Variants in CLDN18 observed in about 807,000 individuals in gnomAD.
CLDN18 encodes the protein claudin-18.
A neutral mutation model predicts 25.0 loss-of-function variants in CLDN18; 20 were observed. The ratio of observed to expected loss-of-function variants is 0.80; its 90% CI spans 0.56 to 1.16. CLDN18 has a LOEUF of 1.16. Ranked by LOEUF, CLDN18 falls within the 50% of genes most tolerant of loss-of-function variation. The pLI, the probability that CLDN18 is intolerant of heterozygous loss-of-function variation, is 0.00. For missense variants in CLDN18, 297 were observed against 345.4 expected (o/e 0.86, Z 1.11); for synonymous variants, 125 against 135.6 (o/e 0.92, Z 0.54).
At chr3:138,001,735 T>C (rs1447906810) in intron 1 of CLDN18, among the ~76,000 whole-genome samples, 1 of 152,212 alleles carries the variant, frequency 6.6e-6, no homozygotes, top group East Asian at 1.9e-4. Context: ...AGAATATAGA[T>C]TATAGAAGCC....
chr3:138,017,245 T>C (rs1419231348), intron 1 of CLDN18, among the ~76,000 whole-genome samples: 2 of 152,182 alleles, frequency 1.3e-5, no homozygotes, highest in Non-Finnish European at 2.9e-5. Context: ...TAAAGATCAC[T>C]TAAGGTTCTG....
intron 1 of CLDN18, among the ~76,000 whole-genome samples, chr3:138,020,933 G>T (rs983281096): frequency 8.5e-5 from 13 of 152,304 alleles, no homozygotes; most frequent in Admixed American, 7.8e-4. Flanking sequence ...TGATGGAAAA[G>T]TAATGATTTT....
At chr3:138,004,424 G>A (rs996042482) in intron 1 of CLDN18, among the ~76,000 whole-genome samples, 35 of 152,036 alleles carry the variant, frequency 2.3e-4, no homozygotes, top group African/African-American at 7.0e-4. Context: ...TTGACAAAGT[G>A]TCTAGGTATA....
At chr3:137,999,438 C>T (rs1345148378) in intron 1 of CLDN18, among the ~76,000 whole-genome samples, 1 of 152,150 alleles carries the variant, frequency 6.6e-6, no homozygotes, top group Non-Finnish European at 1.5e-5. Flanking sequence ...CCTTCGGCCC[C>T]GGGATTCCCC....
chr3:138,021,572 A>G (rs1169283944), intron 1 of CLDN18, among the ~76,000 whole-genome samples: 1 of 152,100 alleles, frequency 6.6e-6, no homozygotes, highest in Non-Finnish European at 1.5e-5. Context: ...ATAACAGGTT[A>G]TTGTTTTTCA....
chr3:138,023,222 A>C (rs952229441), intron 1 of CLDN18, among the ~76,000 whole-genome samples: 2 of 152,248 alleles, frequency 1.3e-5, no homozygotes, highest in Non-Finnish European at 2.9e-5. Context: ...CTTTTAGCGC[A>C]TATGGAAACA....
At chr3:138,007,999 T>C (rs1942087489), upstream of CLDN18, among the ~76,000 whole-genome samples, 1 of 152,150 alleles carries the variant, frequency 6.6e-6, no homozygotes, top group African/African-American at 2.4e-5. Flanking sequence ...CTAGAAACAC[T>C]GATCACAGAA....
intron 3 of CLDN18, among the ~76,000 whole-genome samples, chr3:138,028,666 T>A (rs1034366898): frequency 2.0e-5 from 3 of 152,146 alleles, no homozygotes; most frequent in Non-Finnish European, 4.4e-5. Context: ...ATCCTAATAG[T>A]TTTTGGTCAC....
At chr3:138,011,917 C>T (rs1942140545) in intron 1 of CLDN18, among the ~76,000 whole-genome samples, 1 of 152,162 alleles carries the variant, frequency 6.6e-6, no homozygotes, top group Admixed American at 6.5e-5. Context: ...GACACCCTCT[C>T]AGAATAGCTC....
rs180686789 is a variant in CLDN18, at chr3:138,015,996, A to T, written c.220+5551A>T. On this transcript the variant is annotated intron_variant, in intron 1 of 4. Coordinates refer to ENST00000183605, the MANE Select transcript of CLDN18 (RefSeq NM_016369.4). ...ATATTACCAGCTCTGTATAACTGATACCTCAAGATTCAATCTCATTGTATT... is the reference window on the plus strand; with the variant it reads ...ATATTACCAGCTCTGTATAACTGATTCCTCAAGATTCAATCTCATTGTATT... Among the ~76,000 whole-genome samples, 93 of 152,308 alleles carry T rather than the reference A, an allele frequency of 6.1e-4. 1 individual carries two copies. The East Asian group carries it at 0.016, about 27-fold the overall frequency.
intron 1 of CLDN18, among the ~76,000 whole-genome samples, chr3:137,999,319 A>G (rs971811965): frequency 2.6e-5 from 4 of 152,170 alleles, no homozygotes; most frequent in African/African-American, 9.7e-5. Context: ...ATGGTGCCCA[A>G]TTCTCCCAGA....
At chr3:138,020,721 ACCAGG>A (rs1942260000) in intron 1 of CLDN18, among the ~76,000 whole-genome samples, 1 of 152,304 alleles carries the variant, frequency 6.6e-6, no homozygotes, top group Non-Finnish European at 1.5e-5. Flanking sequence ...TAAATAATCT[ACCAGG>A]CCAGCTTATT....
intron 2 of CLDN18, 57 bp downstream of exon 2, chr3:138,023,879 G>A: frequency 3.2e-6 from 5 of 1,551,638 alleles, no homozygotes; most frequent in Non-Finnish European, 4.4e-6. Flanking sequence ...AATTATTCTG[G>A]TAGAGAAAAC....
At position 138,011,026 on chromosome 3, in the gene CLDN18, GAATTAT is replaced by G. The variant is rs144454534; in HGVS notation, c.220+589_220+594del. On this transcript the variant is annotated intron_variant, in intron 1 of 4. Coordinates refer to ENST00000183605, the MANE Select transcript of CLDN18 (RefSeq NM_016369.4). The stretch of plus-strand genomic sequence containing the variant: ...CAATGTATATCAAAATATAATTACA[GAATTAT>G]AATTATATTATGTCAGAATATAAAT... Among the ~76,000 whole-genome samples, 218 of 151,836 alleles carry G rather than the reference GAATTAT, an allele frequency of 1.4e-3. 3 individuals carry two copies. The East Asian group carries it at 0.038, about 27-fold the overall frequency.
chr3:138,024,456 G>C, intron 2 of CLDN18, 151 bp from the exon 3 acceptor site: 1 of 646,980 alleles, frequency 1.5e-6, no homozygotes, highest in Non-Finnish European at 2.8e-6. Flanking sequence ...ACAATATTTA[G>C]CACATAGCAA....
exon 1 of CLDN18, chr3:137,998,926 G>A: frequency 6.2e-7 from 1 of 1,614,212 alleles, no homozygotes; most frequent in South Asian, 1.1e-5. Flanking sequence ...TGGGATTGCG[G>A]GCATCATTGC....
At chr3:138,014,987 A>G (rs1942187103) in intron 1 of CLDN18, among the ~76,000 whole-genome samples, 1 of 152,088 alleles carries the variant, frequency 6.6e-6, no homozygotes, top group South Asian at 2.1e-4. Context: ...TTTTAAAACT[A>G]GCTGGGCACA....
rs1942408168 is a variant in CLDN18 at position 138,032,406 on chromosome 3, C to T, written c.*1265C>T. 1 of 151,118 alleles carries T rather than the reference C, an allele frequency of 6.6e-6. No individual in the cohort carries two copies. Among genetic ancestry groups the T allele is most frequent in the African/African-American group, 2.4e-5 (1 of 41,032 alleles). The allele number at this position is 151,118 out of a possible 1,614,324, so 9.4% of individuals were successfully genotyped here. ...ACACCACTGCACTCCAGCCAGGTGA[C>T]ATAGCGAGATCCTGTCTAAAAAAAT... On this transcript the variant is annotated 3_prime_UTR_variant, in exon 5 of 5. Transcript: ENST00000183605.
chr3:138,030,295 T>C (rs990011552), intron 4 of CLDN18, among the ~76,000 whole-genome samples: 2 of 152,236 alleles, frequency 1.3e-5, no homozygotes, highest in African/African-American at 4.8e-5. Flanking sequence ...AGGCCAGGGA[T>C]GCTGCTGAAC....
Sources: allele counts gnomAD v4.1 joint callset (sites outside exome capture counted in the v4.1 genomes callset), GRCh38; gene constraint gnomAD v4.1.1; transcripts MANE v1.5; gene names NCBI Gene and HGNC (gene_info 2026-07-23, HGNC 2026-07-21).